The following TAF2 variants were observed in gnomAD, a reference collection of about 807,000 sequenced individuals.
TAF2 encodes transcription initiation factor TFIID subunit 2.
In TAF2, 61 loss-of-function variants were observed where a neutral mutation model predicts 138.5. The ratio of observed to expected loss-of-function variants is 0.44; its 90% CI spans 0.36 to 0.54. The LOEUF (loss-of-function observed/expected upper bound fraction) is 0.54. Ranked by LOEUF, TAF2 falls within the 20% of genes least tolerant of loss-of-function variation. TAF2 has a pLI of 0.00. For synonymous variants in TAF2, 475 were observed against 469.9 expected (o/e 1.01, Z -0.14); for missense variants, 1,090 against 1,427.9 (o/e 0.76, Z 3.81).
chr8:119,754,028 T>G (rs1363049838), intron 22 of TAF2, among the ~76,000 whole-genome samples: 2 of 152,178 alleles, frequency 1.3e-5, no homozygotes, highest in Non-Finnish European at 2.9e-5. Context: ...GCAATCATTC[T>G]TTCAGAGATT....
At chr8:119,807,677 C>T (rs937643983) in intron 3 of TAF2, among the ~76,000 whole-genome samples, 8 of 152,228 alleles carry the variant, frequency 5.3e-5, no homozygotes, top group African/African-American at 1.9e-4. Flanking sequence ...GTAATCCCAG[C>T]ACTTTGGGAG....
At position 119,787,885 on chromosome 8, in the gene TAF2, A is replaced by C. The variant is rs1234050804; in HGVS notation, c.1793+453T>G. On this transcript the variant is annotated intron_variant, in intron 14 of 25. Coordinates refer to ENST00000378164, the MANE Select transcript of TAF2 (RefSeq NM_003184.4). ...TGGATAAAGAAAATGTGGCACATATACACCATAGAACACTATGCAGCCATA... is the reference window on the plus strand; with the variant it reads ...TGGATAAAGAAAATGTGGCACATATCCACCATAGAACACTATGCAGCCATA... Among the ~76,000 whole-genome samples the C allele has an allele frequency of 1.6e-4, 24 of 152,266 alleles. 1 individual carries two copies. Among genetic ancestry groups the C allele is most frequent in the Admixed American group, 1.6e-3 (24 of 15,288 alleles).
chr8:119,803,662 C>T (rs1405846651), intron 5 of TAF2, among the ~76,000 whole-genome samples: 1 of 149,584 alleles, frequency 6.7e-6, no homozygotes, highest in African/African-American at 2.5e-5. Context: ...CCAGTGTATT[C>T]CAACAAGGGT....
At chr8:119,804,952 C>A (rs926254614) in intron 4 of TAF2, among the ~76,000 whole-genome samples, 1 of 152,110 alleles carries the variant, frequency 6.6e-6, no homozygotes, top group Non-Finnish European at 1.5e-5. Context: ...CAATCATATG[C>A]ACTATCTCCA....
intron 6 of TAF2, 117 bp downstream of exon 6, chr8:119,801,677 C>T (rs1406592832): frequency 4.3e-6 from 4 of 938,982 alleles, no homozygotes; most frequent in Non-Finnish European, 6.9e-6. Context: ...ATCCGCCCAC[C>T]TTGGCCTCCC....
At chr8:119,762,368 T>A in intron 19 of TAF2, 47 bp downstream of exon 19, 12 of 1,556,972 alleles carry the variant, frequency 7.7e-6, no homozygotes, top group Non-Finnish European at 1.1e-5. Flanking sequence ...AAATTTCTTT[T>A]ACAGTTATAA....
chr8:119,747,637 C>T (rs890471983), intron 22 of TAF2, among the ~76,000 whole-genome samples: 8 of 152,092 alleles, frequency 5.3e-5, no homozygotes, highest in South Asian at 2.1e-4. Flanking sequence ...ACATTGATAC[C>T]AGGGTTTTCC....
intron 18 of TAF2, among the ~76,000 whole-genome samples, chr8:119,774,892 G>A (rs1321247095): frequency 6.6e-6 from 1 of 151,664 alleles, no homozygotes; most frequent in Non-Finnish European, 1.5e-5. Context: ...GATCCTCAGA[G>A]CTATTTTAAT....
intron 25 of TAF2, among the ~76,000 whole-genome samples, chr8:119,733,793 C>T (rs1022389756): frequency 2.7e-5 from 4 of 150,718 alleles, no homozygotes; most frequent in Non-Finnish European, 5.9e-5. Context: ...CCCCCCCATC[C>T]TAATCCTGTC....
At chr8:119,822,906 C>A (rs1825878552) in intron 2 of TAF2, among the ~76,000 whole-genome samples, 1 of 152,160 alleles carries the variant, frequency 6.6e-6, no homozygotes, top group Non-Finnish European at 1.5e-5. Flanking sequence ...TTTCTCCCTT[C>A]ACCCTAAATC....
chr8:119,777,038 T>C (rs1034208910), intron 18 of TAF2, among the ~76,000 whole-genome samples: 12 of 119,012 alleles, frequency 1.0e-4, no homozygotes, highest in African/African-American at 2.8e-4. Flanking sequence ...TTTTTCCTTG[T>C]CATTCTTTCT....
chr8:119,791,331 A>G lies in TAF2; in HGVS notation c.1406T>C (p.Met469Thr). 1 of 1,613,544 alleles carries G rather than the reference A, an allele frequency of 6.2e-7. No individual in the cohort carries two copies. The highest frequency in any genetic ancestry group is 1.1e-5 in the South Asian group (1 of 91,062). The change falls in exon 11 of 26, where the codon ATG becomes ACG. Residue 469 changes from methionine (M) to threonine (T), a missense_variant. Transcript: ENST00000378164. ...LIENRISMEF[M>T]LQVFNKLLSL... Reference sequence around the variant, plus strand: ...CTTAACTTTAATACTTACTTGTAGCATAAATTCCATACTGATCCTATTTTC... The same window carrying G: ...CTTAACTTTAATACTTACTTGTAGCGTAAATTCCATACTGATCCTATTTTC...
intron 4 of TAF2, among the ~76,000 whole-genome samples, chr8:119,805,887 C>G (rs1254032702): frequency 6.7e-6 from 1 of 149,124 alleles, no homozygotes; most frequent in African/African-American, 2.5e-5. Flanking sequence ...CGTTAATGTT[C>G]TTTCGTTTTG....
At chr8:119,790,663 G>A (rs532988725) in intron 11 of TAF2, among the ~76,000 whole-genome samples, 9 of 152,212 alleles carry the variant, frequency 5.9e-5, no homozygotes, top group African/African-American at 1.7e-4. Context: ...AAAATTTAGC[G>A]ATAGCAAAAA....
intron 18 of TAF2, among the ~76,000 whole-genome samples, chr8:119,772,871 A>G (rs1323127982): frequency 6.6e-6 from 1 of 151,462 alleles, no homozygotes; most frequent in Admixed American, 6.6e-5. Context: ...CAGGAGGTGG[A>G]GGTTGCAGTG....
At chr8:119,768,599 A>G in intron 18 of TAF2, among the ~76,000 whole-genome samples, 1 of 152,210 alleles carries the variant, frequency 6.6e-6, no homozygotes, top group East Asian at 1.9e-4. Flanking sequence ...ATTTGGGGGA[A>G]TGTTCCACGT....
In TAF2 at chr8:119,821,710, T is replaced by TA. The variant is rs200390772; in HGVS notation, c.139-2205dup. Among the ~76,000 whole-genome samples, 541 of 152,246 alleles carry TA rather than the reference T, an allele frequency of 3.6e-3. 2 individuals carry two copies. Among genetic ancestry groups the TA allele is most frequent in the Middle Eastern group, 0.024 (7 of 294 alleles). ...AGCCCACTGTGCCTCAGTTTCCTCATAAAAAATGACATTATTGGCCTATTA... is the reference window on the plus strand; with the variant it reads ...AGCCCACTGTGCCTCAGTTTCCTCATAAAAAAATGACATTATTGGCCTATTA... On this transcript the variant is annotated intron_variant, in intron 2 of 25. Coordinates refer to ENST00000378164, the MANE Select transcript of TAF2 (RefSeq NM_003184.4).
intron 20 of TAF2, among the ~76,000 whole-genome samples, 180 bp from the exon 21 acceptor site, chr8:119,758,322 T>C (rs1820838157): frequency 6.6e-6 from 1 of 152,184 alleles, no homozygotes; most frequent in South Asian, 2.1e-4. Context: ...TTGTAACTTT[T>C]ATAAGTATCA....
At chr8:119,788,694 T>C in intron 13 of TAF2, 96 bp downstream of exon 13, 2 of 932,642 alleles carry the variant, frequency 2.1e-6, no homozygotes, top group Admixed American at 3.7e-5. Context: ...TCAAACAAAA[T>C]CTCATTAATT....
Sources: gnomAD v4.1 joint callset for allele counts (sites outside exome capture counted in the v4.1 genomes callset) on GRCh38, gnomAD v4.1.1 for gene constraint, MANE v1.5 for transcripts, NCBI Gene and HGNC (gene_info 2026-07-23, HGNC 2026-07-21) for gene names.